The following BEND6 variants were observed in gnomAD, a reference collection of about 807,000 sequenced individuals.
BEND6 encodes the protein BEN domain containing 6.
A neutral mutation model predicts 31.8 loss-of-function variants in BEND6; 24 were observed. The observed-to-expected ratio is 0.75, with a 90% confidence interval of 0.55 to 1.06. The LOEUF (loss-of-function observed/expected upper bound fraction) is 1.06. Among genes scored for constraint, BEND6 ranks in the 50% least tolerant of loss-of-function variants. The pLI is 0.00. For missense variants in BEND6, 294 were observed against 327.4 expected (o/e 0.90, Z 0.79); for synonymous variants, 109 against 114.6 (o/e 0.95, Z 0.31).
At chr6:57,004,699 C>G in intron 3 of BEND6, 5 of 1,521,442 alleles carry the variant, frequency 3.3e-6, no homozygotes, top group Non-Finnish European at 3.6e-6. Context: ...ACTACTGGAA[C>G]TGCACAAACT....
chr6:56,987,467 T>TG (rs1375130676), intron 2 of BEND6, among the ~76,000 whole-genome samples: 1 of 152,208 alleles, frequency 6.6e-6, no homozygotes, highest in African/African-American at 2.4e-5. Flanking sequence ...GTTGCCCTGA[T>TG]GCTGAACATG....
rs907893204 is a variant in BEND6, at chr6:56,978,686, C to T, written c.-100-3025C>T. On this transcript the variant is annotated intron_variant, in intron 1 of 6. Coordinates refer to ENST00000370746, the MANE Select transcript of BEND6 (RefSeq NM_152731.3). ...GAACTTCAAATAGAAGTTGAATATT[C>T]TGACTTGCCCTACTACCCAACATTT... is the stretch of plus-strand genomic sequence containing the variant. Among the ~76,000 whole-genome samples the T allele has an allele frequency of 2.6e-5, 4 of 152,178 alleles. No homozygotes were observed. The East Asian group carries it at 7.7e-4, about 29-fold the overall frequency.
rs533493489 is a variant in BEND6 at position 56,955,209 on chromosome 6, C to T, written c.-352C>T. ...CCGGGCCTGAGAGCCCAGCGCCCTC[C>T]CGCGGGGCCGCCCGCCAGTCCGCGC... On this transcript the variant is annotated 5_prime_UTR_variant, in exon 1 of 7. Coordinates refer to ENST00000370746, the MANE Select transcript of BEND6 (RefSeq NM_152731.3). 1 of 151,784 alleles carries T rather than the reference C, an allele frequency of 6.6e-6. No individual in the cohort carries two copies. Among genetic ancestry groups the T allele is most frequent in the African/African-American group, 2.4e-5 (1 of 41,516 alleles). The allele number at this position is 151,784 out of a possible 1,614,324, so 9.4% of individuals were successfully genotyped here.
intron 3 of BEND6, chr6:57,014,482 A>G: frequency 3.9e-6 from 6 of 1,524,610 alleles, no homozygotes; most frequent in Non-Finnish European, 5.3e-6. Flanking sequence ...AGATATAACA[A>G]CAGAGAAGAC....
intron 3 of BEND6, among the ~76,000 whole-genome samples, chr6:57,006,339 C>T (rs530789267): frequency 1.3e-5 from 2 of 152,272 alleles, no homozygotes; most frequent in African/African-American, 4.8e-5. Context: ...TTAGAAGGGC[C>T]CACATACTGA....
chr6:56,996,457 AC>A (rs1284486762), intron 3 of BEND6, among the ~76,000 whole-genome samples: 1 of 151,676 alleles, frequency 6.6e-6, no homozygotes, highest in African/African-American at 2.4e-5. Context: ...AAACAAACAA[AC>A]AAAAACAAAA....
At chr6:56,961,194 G>T (rs893753775) in intron 1 of BEND6, among the ~76,000 whole-genome samples, 4 of 152,150 alleles carry the variant, frequency 2.6e-5, no homozygotes, top group African/African-American at 9.7e-5. Context: ...TAAGTCATTT[G>T]ATCCATCAAC....
chr6:57,016,557 A>T (rs890968164), intron 4 of BEND6, among the ~76,000 whole-genome samples: 2 of 152,206 alleles, frequency 1.3e-5, no homozygotes, highest in African/African-American at 4.8e-5. Context: ...ACTGAAGGCC[A>T]TTCCTACTTC....
intron 1 of BEND6, among the ~76,000 whole-genome samples, chr6:56,977,764 C>A (rs1225825296): frequency 1.3e-5 from 2 of 151,686 alleles, no homozygotes; most frequent in Admixed American, 1.3e-4. Flanking sequence ...TGAAATCAAC[C>A]TAGACAATAC....
intron 1 of BEND6, among the ~76,000 whole-genome samples, chr6:56,978,526 C>G (rs1825966187): frequency 6.6e-6 from 1 of 152,132 alleles, no homozygotes; most frequent in African/African-American, 2.4e-5. Context: ...TTCTAAGTCT[C>G]TTACATTTCC....
At chr6:57,000,200 G>T (rs1009834015) in intron 3 of BEND6, among the ~76,000 whole-genome samples, 1 of 152,168 alleles carries the variant, frequency 6.6e-6, no homozygotes, top group Admixed American at 6.5e-5. Flanking sequence ...CTGTGTCTGT[G>T]TAGAAAGAAG....
intron 1 of BEND6, among the ~76,000 whole-genome samples, chr6:56,976,987 T>C (rs780708217): frequency 6.6e-6 from 1 of 152,182 alleles, no homozygotes; most frequent in African/African-American, 2.4e-5. Context: ...TCAGAAAAAT[T>C]AGGAAATTTA....
At chr6:56,972,067 T>G (rs909037911) in intron 1 of BEND6, among the ~76,000 whole-genome samples, 1 of 150,206 alleles carries the variant, frequency 6.7e-6, no homozygotes, top group Non-Finnish European at 1.5e-5. Context: ...TATGTTTTCT[T>G]TTTACTTTAC....
chr6:56,981,950 G>T lies in BEND6; in HGVS notation c.120+20G>T. 1 of 1,596,588 alleles carries T rather than the reference G, an allele frequency of 6.3e-7. No individual in the cohort carries two copies. Among genetic ancestry groups the T allele is most frequent in the South Asian group, 1.2e-5 (1 of 86,598 alleles). Reference sequence around the variant, plus strand: ...GGACAGGTTGGTTTTTTGTTACCTTGACTCAACTTTGTTATCTAGCTCAAT... The same window carrying T: ...GGACAGGTTGGTTTTTTGTTACCTTTACTCAACTTTGTTATCTAGCTCAAT... On this transcript the variant is annotated intron_variant, in intron 2 of 6. Coordinates refer to ENST00000370746, the MANE Select transcript of BEND6 (RefSeq NM_152731.3).
At chr6:56,988,112 G>A (rs1314339948) in intron 2 of BEND6, among the ~76,000 whole-genome samples, 1 of 151,380 alleles carries the variant, frequency 6.6e-6, no homozygotes, top group African/African-American at 2.4e-5. Flanking sequence ...CGCCTCCTGG[G>A]TTCAACGGAT....
In BEND6 at chr6:57,010,826, G is replaced by A. The variant is rs982912736; in HGVS notation, c.299-4307G>A. On this transcript the variant is annotated intron_variant, in intron 3 of 6. Transcript: ENST00000370746. Reference sequence around the variant, plus strand: ...ATGGATAATATACTAAGAAAAGACTGCTACTTTCAACTAAAATGAAAATTT... The same window carrying A: ...ATGGATAATATACTAAGAAAAGACTACTACTTTCAACTAAAATGAAAATTT... 6.3e-6 allele frequency: 5 copies of A among 790,254 alleles called. No homozygotes were observed. In the South Asian group the frequency reaches 2.9e-4, roughly 46 times the overall value. The allele number at this position is 790,254 out of a possible 1,614,324, so 49.0% of individuals were successfully genotyped here. A position where few individuals can be genotyped will look rare whatever the true frequency, so the allele number is the denominator to read the frequency against.
chr6:56,957,672 T>C (rs1825137773), intron 1 of BEND6, among the ~76,000 whole-genome samples: 1 of 152,206 alleles, frequency 6.6e-6, no homozygotes, highest in East Asian at 1.9e-4. Context: ...GGGAGAGCCA[T>C]GGCCCAAATC....
intron 1 of BEND6, among the ~76,000 whole-genome samples, chr6:56,959,253 A>G (rs1207205581): frequency 6.6e-6 from 1 of 152,156 alleles, no homozygotes; most frequent in Non-Finnish European, 1.5e-5. Context: ...CTCCATGCCC[A>G]TGGTTTCTTC....
At chr6:56,960,524 G>T (rs1387352956) in intron 1 of BEND6, among the ~76,000 whole-genome samples, 1 of 152,150 alleles carries the variant, frequency 6.6e-6, no homozygotes, top group African/African-American at 2.4e-5. Flanking sequence ...TTAAGTTCTA[G>T]GTTGTGATGA....
Sources: gnomAD v4.1 joint callset for allele counts (sites outside exome capture counted in the v4.1 genomes callset) on GRCh38, gnomAD v4.1.1 for gene constraint, MANE v1.5 for transcripts, NCBI Gene and HGNC (gene_info 2026-07-23, HGNC 2026-07-21) for gene names.